DOCK2: variants seen among roughly 807,000 people sequenced by gnomAD.
DOCK2 encodes the protein dedicator of cytokinesis 2.
A neutral mutation model predicts 248.9 loss-of-function variants in DOCK2; 87 were observed. The observed-to-expected ratio is 0.35, with a 90% CI of 0.29 to 0.42. The LOEUF is 0.42. Among genes scored for constraint, DOCK2 ranks in the 10% least tolerant of loss-of-function variants. The pLI is 1.00. For missense variants in DOCK2, 1,747 were observed against 2,300.2 expected (o/e 0.76, Z 4.92); for synonymous variants, 805 against 821.6 (o/e 0.98, Z 0.35).
intron 6 of DOCK2, among the ~76,000 whole-genome samples, chr5:169,679,666 T>A (rs887269110): frequency 3.3e-5 from 5 of 152,264 alleles, no homozygotes; most frequent in African/African-American, 1.2e-4. Context: ...GAGCCTCTGC[T>A]AAGCATTAGC....
chr5:170,078,912 T>C lies in DOCK2; in HGVS notation c.4995-63T>C. On this transcript the variant is annotated intron_variant, in intron 48 of 51. Coordinates refer to ENST00000520908, the MANE Select transcript of DOCK2 (RefSeq NM_004946.3). ...AGGTCCCCTTCAGCTTCCTGGGTCC[T>C]TGCAAGGCAGTTCTACTGAAGCTCT... The C allele has an allele frequency of 3.8e-6, 6 of 1,593,212 alleles. No homozygotes were observed. The South Asian group carries it at 5.6e-5, about 15-fold the overall frequency.
At chr5:169,754,920 A>ATTATGTATTTATTTAT (rs1554097253) in intron 23 of DOCK2, among the ~76,000 whole-genome samples, 43 of 141,348 alleles carry the variant, frequency 3.0e-4, no homozygotes, top group Admixed American at 9.3e-4. Flanking sequence ...CCTATTTTTT[A>ATTATGTATTTATTTAT]TTATTTATTT....
intron 27 of DOCK2, among the ~76,000 whole-genome samples, chr5:169,910,351 A>G (rs537350803): frequency 4.4e-4 from 67 of 152,346 alleles, no homozygotes; most frequent in South Asian, 2.1e-3. Context: ...CAAGGTCACT[A>G]CAAAGTCATT....
chr5:169,702,575 C>T (rs11134586), intron 14 of DOCK2, 148 bp downstream of exon 14: 490,732 of 1,192,118 alleles, frequency 0.41, 106,800 homozygotes, highest in East Asian at 0.59. Flanking sequence ...ACCTTTTGAG[C>T]TTGGTTAGTG....
At chr5:169,677,268 G>C (rs775058234) in intron 6 of DOCK2, among the ~76,000 whole-genome samples, 2 of 152,138 alleles carry the variant, frequency 1.3e-5, no homozygotes, top group Non-Finnish European at 2.9e-5. Context: ...CAAATTATCA[G>C]ACCCTTCCTA....
intron 29 of DOCK2, among the ~76,000 whole-genome samples, chr5:169,990,108 T>A (rs935436287): frequency 6.6e-6 from 1 of 152,010 alleles, no homozygotes; most frequent in Admixed American, 6.5e-5. Context: ...TTCTTCTTCT[T>A]TTTCTTTTGA....
chr5:169,821,151 C>T (rs1768409908), intron 26 of DOCK2, among the ~76,000 whole-genome samples: 1 of 152,160 alleles, frequency 6.6e-6, no homozygotes, highest in Admixed American at 6.5e-5. Flanking sequence ...GATTGGTGTA[C>T]CTGAAAGTGA....
rs185394961 is a variant in DOCK2, at chr5:169,741,873, G to A, written c.2268-5523G>A. Among the ~76,000 whole-genome samples, 503 of 141,848 alleles carry A rather than the reference G, an allele frequency of 3.5e-3. 3 individuals are homozygous for A. Among genetic ancestry groups the A allele is most frequent in the African/African-American group, 0.013 (492 of 37,808 alleles). 93.1% of individuals were successfully genotyped at this position (141,848 alleles called of 152,430 possible). On this transcript the variant is annotated intron_variant, in intron 22 of 51. Transcript: ENST00000520908. The stretch of plus-strand genomic sequence containing the variant: ...CTCCCAGGCTGGAGTGCAGTGGTGC[G>A]ATCTCAGCTTACCGCAAGCTCTGCC...
At chr5:170,020,385 A>G (rs1426474284) in intron 33 of DOCK2, among the ~76,000 whole-genome samples, 4 of 152,202 alleles carry the variant, frequency 2.6e-5, no homozygotes, top group Admixed American at 6.5e-5. Context: ...AGGTATGACT[A>G]TTATCTACTG....
Position 169,760,899 on chromosome 5 carries a change from G to A in DOCK2, c.2448-620G>A, listed in dbSNP as rs565555157. Among the ~76,000 whole-genome samples, 12 of 152,282 alleles carry A rather than the reference G, an allele frequency of 7.9e-5. No homozygotes were observed. The South Asian group carries it at 1.5e-3, about 18-fold the overall frequency. Reference sequence around the variant, plus strand: ...TACAATAAGTTTATTTTGGAAAGCCGACAAGGACTATAATTTTGTTTCAGG... The same window carrying A: ...TACAATAAGTTTATTTTGGAAAGCCAACAAGGACTATAATTTTGTTTCAGG... On this transcript the variant is annotated intron_variant, in intron 24 of 51. Coordinates refer to ENST00000520908, the MANE Select transcript of DOCK2 (RefSeq NM_004946.3).
At chr5:169,679,874 C>A (rs1759561196) in intron 6 of DOCK2, among the ~76,000 whole-genome samples, 1 of 152,202 alleles carries the variant, frequency 6.6e-6, no homozygotes, top group Non-Finnish European at 1.5e-5. Context: ...GACTTAGTTT[C>A]CTTCATTTGT....
chr5:169,975,874 CCTGGCACATAG>C (rs1201268390), intron 27 of DOCK2, among the ~76,000 whole-genome samples: 1 of 152,296 alleles, frequency 6.6e-6, no homozygotes, highest in Non-Finnish European at 1.5e-5. Context: ...TAAAACCATG[CCTGGCACATAG>C]TAGGTGCTCA....
rs1554100114 is a variant in DOCK2 at position 169,780,332 on chromosome 5, T to TGTGG, written c.2554+18710_2554+18711insGGTG. Among the ~76,000 whole-genome samples, 380 of 113,622 alleles carry TGTGG rather than the reference T, an allele frequency of 3.3e-3. 3 individuals are homozygous for TGTGG. The highest frequency in any genetic ancestry group is 9.7e-3 in the African/African-American group (364 of 37,368). 74.5% of individuals were successfully genotyped at this position (113,622 alleles called of 152,430 possible). A position where few individuals can be genotyped will look rare whatever the true frequency, so the allele number is the denominator to read the frequency against. On this transcript the variant is annotated intron_variant, in intron 25 of 51. Coordinates refer to ENST00000520908, the MANE Select transcript of DOCK2 (RefSeq NM_004946.3). ...GTGTGTGTGTGTGTGTGTGTGTGTGTGTGTGTGTTGAATCGTTCTAACACA... is the reference window on the plus strand; with the variant it reads ...GTGTGTGTGTGTGTGTGTGTGTGTGTGTGGGTGTGTGTTGAATCGTTCTAACACA...
chr5:169,844,508 C>T (rs551665345), intron 27 of DOCK2, among the ~76,000 whole-genome samples: 18 of 152,180 alleles, frequency 1.2e-4, no homozygotes, highest in Non-Finnish European at 2.4e-4. Context: ...AGACAAGCAG[C>T]GGACATGCAC....
At chr5:169,741,972 G>A (rs1458779494) in intron 22 of DOCK2, among the ~76,000 whole-genome samples, 3 of 151,876 alleles carry the variant, frequency 2.0e-5, no homozygotes, top group Non-Finnish European at 2.9e-5. Context: ...ACCCTGCCCA[G>A]CTAATTTTTT....
At chr5:170,068,339 A>C (rs1359816487) in intron 45 of DOCK2, among the ~76,000 whole-genome samples, 1 of 152,238 alleles carries the variant, frequency 6.6e-6, no homozygotes, top group Non-Finnish European at 1.5e-5. Flanking sequence ...GCATTGAAAT[A>C]GAGTAGAAAG....
intron 35 of DOCK2, 41 bp downstream of exon 35, chr5:170,034,596 TG>T (rs769684352): frequency 1.1e-5 from 18 of 1,607,548 alleles, no homozygotes; most frequent in African/African-American, 1.1e-4. Context: ...CAGAACCCTG[TG>T]GGGGGGCTTG....
At chr5:169,946,450 C>A (rs1399953199) in intron 27 of DOCK2, among the ~76,000 whole-genome samples, 1 of 152,186 alleles carries the variant, frequency 6.6e-6, no homozygotes, top group Non-Finnish European at 1.5e-5. Flanking sequence ...GAGGAAAGGG[C>A]AGGAGTGTTT....
intron 27 of DOCK2, 63 bp from the exon 28 acceptor site, chr5:169,983,005 C>T: frequency 6.5e-7 from 1 of 1,535,506 alleles, no homozygotes; most frequent in Admixed American, 1.7e-5. Flanking sequence ...GACATTTTCT[C>T]ACAGGGAAGT....
Sources: allele counts gnomAD v4.1 joint callset (sites outside exome capture counted in the v4.1 genomes callset), GRCh38; gene constraint gnomAD v4.1.1; transcripts MANE v1.5; gene names NCBI Gene and HGNC (gene_info 2026-07-23, HGNC 2026-07-21).